The following CCDC88C variants were observed in gnomAD, a reference collection of about 807,000 sequenced individuals.
The protein encoded by CCDC88C is coiled-coil and HOOK domain protein 88C.
A neutral mutation model predicts 198.8 loss-of-function variants in CCDC88C; 131 were observed. That is an observed-to-expected ratio of 0.66 (90% CI 0.57 to 0.76). CCDC88C has a LOEUF of 0.76. Ranked by LOEUF, CCDC88C falls within the 30% of genes least tolerant of loss-of-function variation. CCDC88C has a pLI of 0.00. For synonymous variants in CCDC88C, 1,166 were observed against 1,114.7 expected (o/e 1.05, Z -0.92); for missense variants, 2,553 against 2,631.6 (o/e 0.97, Z 0.65).
chr14:91,342,601 C>A, intron 5 of CCDC88C, 138 bp from the exon 6 acceptor site: 1 of 680,098 alleles, frequency 1.5e-6, no homozygotes. Context: ...CGCTCTTGTC[C>A]TCCTACCAGC....
At chr14:91,353,789 C>G in intron 4 of CCDC88C, among the ~76,000 whole-genome samples, 1 of 152,198 alleles carries the variant, frequency 6.6e-6, no homozygotes. Context: ...GAGGGCCAGG[C>G]CGCTGAACGG....
chr14:91,417,329 C>T, intron 1 of CCDC88C: 1 of 616,556 alleles, frequency 1.6e-6, no homozygotes, highest in Non-Finnish European at 2.9e-6. Flanking sequence ...CACTGGGACC[C>T]GGTCCGCCCC....
intron 3 of CCDC88C, among the ~76,000 whole-genome samples, chr14:91,403,975 T>A (rs890025000): frequency 6.6e-6 from 1 of 152,056 alleles, no homozygotes; most frequent in Non-Finnish European, 1.5e-5. Context: ...GAAAAGGAGG[T>A]TGGCTGTTGA....
At chr14:91,330,299 AGAGTGGGGCTGGGCT>A (rs1892765017) in intron 10 of CCDC88C, among the ~76,000 whole-genome samples, 1 of 152,156 alleles carries the variant, frequency 6.6e-6, no homozygotes, top group African/African-American at 2.4e-5. Context: ...GTCGGAAGAG[AGAGTGGGGCTGGGCT>A]GAGGAAGCAC....
At position 91,278,018 on chromosome 14, in the gene CCDC88C, G is replaced by C; in HGVS notation, c.4962C>G (p.Pro1654=). The change falls in exon 29 of 30, where the codon CCC becomes CCG. Residue 1654 remains proline, a synonymous_variant. Transcript: ENST00000389857. ...EGAQKRGTAP[P]YVGVRPCSAS... is the part of the protein sequence containing the mutation. ...CCGAGCAGGGCCGCACTCCGACGTAGGGAGGGGCTGTGCCCCTCTTCTGGG... is the reference window on the plus strand; with the variant it reads ...CCGAGCAGGGCCGCACTCCGACGTACGGAGGGGCTGTGCCCCTCTTCTGGG... 1 of 1,598,712 alleles carries C rather than the reference G, an allele frequency of 6.3e-7. No homozygotes were observed. The highest frequency in any genetic ancestry group is 8.5e-7 in the Non-Finnish European group (1 of 1,172,556).
chr14:91,377,330 T>C (rs1392756675), intron 3 of CCDC88C, among the ~76,000 whole-genome samples: 1 of 152,202 alleles, frequency 6.6e-6, no homozygotes, highest in Non-Finnish European at 1.5e-5. Flanking sequence ...AAGATGACAG[T>C]TCACGCGCAT....
intron 3 of CCDC88C, among the ~76,000 whole-genome samples, chr14:91,361,654 G>A (rs2139907868): frequency 6.6e-6 from 1 of 152,240 alleles, no homozygotes; most frequent in Middle Eastern, 3.4e-3. Context: ...AACGGCTAAT[G>A]CTTTCTCAAA....
chr14:91,416,342 C>T lies in CCDC88C; in HGVS notation c.161+396G>A, dbSNP rs376997015. Among the ~76,000 whole-genome samples the T allele has an allele frequency of 5.9e-5, 9 of 152,256 alleles. No homozygotes were observed. The South Asian group carries it at 1.0e-3, about 18-fold the overall frequency. The stretch of plus-strand genomic sequence containing the variant: ...CATCTAAAATGAAACTTTACAGTAA[C>T]CCTCGGATGCCTGGGCCCACCCCGA... On this transcript the variant is annotated intron_variant, in intron 2 of 29. Transcript: ENST00000389857.
At position 91,323,302 on chromosome 14, in the gene CCDC88C, A is replaced by G. The variant is rs536900407; in HGVS notation, c.1342+1477T>C. Among the ~76,000 whole-genome samples, 28 of 152,284 alleles carry G rather than the reference A, an allele frequency of 1.8e-4. 1 individual carries two copies. The highest frequency in any genetic ancestry group is 2.9e-4 in the Non-Finnish European group (20 of 68,022). On this transcript the variant is annotated intron_variant, in intron 12 of 29. Coordinates refer to ENST00000389857, the MANE Select transcript of CCDC88C (RefSeq NM_001080414.4). Reference sequence around the variant, plus strand: ...AGACAGACAAGAAGAGCTGCCCTCTACAGAACACACCAAGGGCCAGAGCCG... The same window carrying G: ...AGACAGACAAGAAGAGCTGCCCTCTGCAGAACACACCAAGGGCCAGAGCCG...
chr14:91,334,883 G>C (rs1474136861), intron 10 of CCDC88C, among the ~76,000 whole-genome samples: 1 of 152,078 alleles, frequency 6.6e-6, no homozygotes, highest in Admixed American at 6.5e-5. Flanking sequence ...TCAGCTCCAG[G>C]CCTCTGAGCT....
At chr14:91,415,925 C>T (rs1440410111) in intron 2 of CCDC88C, among the ~76,000 whole-genome samples, 1 of 152,126 alleles carries the variant, frequency 6.6e-6, no homozygotes, top group Non-Finnish European at 1.5e-5. Flanking sequence ...GGTGCGCACA[C>T]GAGGCTGATC....
chr14:91,292,071 C>T (rs190317906), intron 23 of CCDC88C, among the ~76,000 whole-genome samples: 4 of 152,296 alleles, frequency 2.6e-5, no homozygotes, highest in Non-Finnish European at 5.9e-5. Flanking sequence ...GAGGTAACAG[C>T]TCATTCTCGA....
At chr14:91,286,524 C>T (rs1405320347) in intron 25 of CCDC88C, among the ~76,000 whole-genome samples, 3 of 152,340 alleles carry the variant, frequency 2.0e-5, no homozygotes, top group South Asian at 2.1e-4. Context: ...GACAATTGGG[C>T]TAACTTCCTA....
chr14:91,361,040 A>G (rs541424447), intron 3 of CCDC88C, among the ~76,000 whole-genome samples: 1 of 151,008 alleles, frequency 6.6e-6, no homozygotes, highest in South Asian at 2.1e-4. Context: ...GCTACTCGGG[A>G]GGATTGCTTG....
At chr14:91,303,194 G>C (rs1184776871) in intron 20 of CCDC88C, among the ~76,000 whole-genome samples, 1 of 151,498 alleles carries the variant, frequency 6.6e-6, no homozygotes, top group Non-Finnish European at 1.5e-5. Context: ...CCTACCCAGG[G>C]GCCCCACCTC....
intron 22 of CCDC88C, among the ~76,000 whole-genome samples, chr14:91,296,401 C>T (rs146150209): frequency 9.2e-5 from 14 of 152,362 alleles, no homozygotes; most frequent in Admixed American, 3.9e-4. Flanking sequence ...ACGGGGCCTG[C>T]GCTGCAGCCC....
chr14:91,297,257 TG>T lies in CCDC88C; in HGVS notation c.3966+47del, dbSNP rs762013690. ...TTGGCTGAGCCCTGGGCTGTCCCCT[TG>T]GGGGACTCATCCCTGTCTCCCGAGG... On this transcript the variant is annotated intron_variant, in intron 22 of 29. Coordinates refer to ENST00000389857, the MANE Select transcript of CCDC88C (RefSeq NM_001080414.4). 4 of 1,574,220 alleles carry T rather than the reference TG, an allele frequency of 2.5e-6. No individual in the cohort carries two copies. In the South Asian group the frequency reaches 4.6e-5, roughly 18 times the overall value.
At chr14:91,347,679 AAAC>A (rs1407739237) in intron 4 of CCDC88C, among the ~76,000 whole-genome samples, 19 of 152,160 alleles carry the variant, frequency 1.2e-4, no homozygotes, top group African/African-American at 4.6e-4. Flanking sequence ...AAAAGTCAGG[AAAC>A]AACAGGTGCT....
intron 3 of CCDC88C, among the ~76,000 whole-genome samples, chr14:91,406,695 G>A (rs959779193): frequency 1.3e-5 from 2 of 152,230 alleles, no homozygotes; most frequent in Non-Finnish European, 2.9e-5. Context: ...CATGCCCTGC[G>A]TATCTGCTGA....
Sources: allele counts gnomAD v4.1 joint callset (sites outside exome capture counted in the v4.1 genomes callset), GRCh38; gene constraint gnomAD v4.1.1; transcripts MANE v1.5; gene names NCBI Gene and HGNC (gene_info 2026-07-23, HGNC 2026-07-21).